GRIK2: variants seen among roughly 807,000 people sequenced by gnomAD.
GRIK2 encodes glutamate receptor ionotropic, kainate 2.
GRIK2 carries 32 observed loss-of-function variants against 100.3 expected under a neutral mutation model. The ratio of observed to expected loss-of-function variants is 0.32; its 90% CI spans 0.24 to 0.43. The LOEUF (loss-of-function observed/expected upper bound fraction) is 0.43, where lower values mean the gene tolerates loss of function less well. GRIK2 is among the 20% of genes least tolerant of loss of function. The pLI, the probability that GRIK2 is intolerant of heterozygous loss-of-function variation, is 1.00. For synonymous variants in GRIK2, 417 were observed against 389.4 expected (o/e 1.07, Z -0.83); for missense variants, 843 against 1,114.9 (o/e 0.76, Z 3.47).
intron 7 of GRIK2, among the ~76,000 whole-genome samples, chr6:101,751,611 C>A (rs995609609): frequency 3.3e-5 from 5 of 152,220 alleles, no homozygotes; most frequent in African/African-American, 1.2e-4. Flanking sequence ...TTTTTTCCCC[C>A]CTACCATTGG....
chr6:101,478,199 GT>G (rs1424151552), intron 2 of GRIK2, among the ~76,000 whole-genome samples: 9 of 151,922 alleles, frequency 5.9e-5, no homozygotes, highest in African/African-American at 2.2e-4. Flanking sequence ...GCATGATTAG[GT>G]TTTTTTGAGT....
chr6:101,560,926 T>C (rs1776980068), intron 2 of GRIK2, among the ~76,000 whole-genome samples: 1 of 152,108 alleles, frequency 6.6e-6, no homozygotes, highest in African/African-American at 2.4e-5. Flanking sequence ...GGAAAATAAA[T>C]GTAAAAGGCT....
intron 14 of GRIK2, among the ~76,000 whole-genome samples, chr6:101,997,272 A>G (rs1408626696): frequency 6.6e-6 from 1 of 151,982 alleles, no homozygotes; most frequent in Non-Finnish European, 1.5e-5. Context: ...AGTTTTAAAA[A>G]TTTTAATTAT....
At chr6:101,518,192 A>C (rs1391433027) in intron 2 of GRIK2, among the ~76,000 whole-genome samples, 2 of 152,170 alleles carry the variant, frequency 1.3e-5, no homozygotes, top group Non-Finnish European at 2.9e-5. Context: ...AAGTTAAAAA[A>C]AAGTGCTATG....
intron 11 of GRIK2, among the ~76,000 whole-genome samples, chr6:101,883,909 A>C (rs1786437728): frequency 6.6e-6 from 1 of 152,170 alleles, no homozygotes; most frequent in African/African-American, 2.4e-5. Context: ...ATGTTCTATA[A>C]GTCATTGGAG....
At chr6:101,504,743 A>G (rs1160489051) in intron 2 of GRIK2, among the ~76,000 whole-genome samples, 2 of 152,108 alleles carry the variant, frequency 1.3e-5, no homozygotes, top group Non-Finnish European at 2.9e-5. Flanking sequence ...GAGATAACAT[A>G]TAAAAAAATA....
intron 4 of GRIK2, among the ~76,000 whole-genome samples, chr6:101,656,213 G>T (rs1435165064): frequency 6.6e-6 from 1 of 150,956 alleles, no homozygotes; most frequent in Non-Finnish European, 1.5e-5. Context: ...TGAGGCAGGA[G>T]AATCGCTTGA....
At chr6:101,798,256 GA>G (rs1780450392) in intron 7 of GRIK2, among the ~76,000 whole-genome samples, 1 of 151,950 alleles carries the variant, frequency 6.6e-6, no homozygotes, top group African/African-American at 2.4e-5. Flanking sequence ...CAATTCTGTT[GA>G]TGATTTTTGT....
In GRIK2 at chr6:101,642,496, T is replaced by C. The variant is rs561449243; in HGVS notation, c.541+15859T>C. Among the ~76,000 whole-genome samples, 5 of 151,958 alleles carry C rather than the reference T, an allele frequency of 3.3e-5. No homozygotes were observed. In the East Asian group the frequency reaches 7.7e-4, roughly 23 times the overall value. On this transcript the variant is annotated intron_variant, in intron 4 of 16. Coordinates refer to ENST00000369134, the MANE Select transcript of GRIK2 (RefSeq NM_021956.5). ...AGAAATCGATTATACAGTGTTTGTC[T>C]TTTTGTACTGGTTTATTTCACTTAA...
chr6:101,394,808 A>G (rs940140331), intron 1 of GRIK2, among the ~76,000 whole-genome samples: 10 of 152,190 alleles, frequency 6.6e-5, no homozygotes, highest in African/African-American at 2.4e-4. Flanking sequence ...AGTGGCCTTA[A>G]AAACTTTTGA....
intron 7 of GRIK2, among the ~76,000 whole-genome samples, chr6:101,798,067 A>G (rs1402579612): frequency 6.6e-6 from 1 of 151,108 alleles, no homozygotes; most frequent in East Asian, 1.9e-4. Flanking sequence ...TCTAAAAACA[A>G]AACAATGGAT....
chr6:101,798,863 A>AT (rs1049524931), intron 7 of GRIK2, among the ~76,000 whole-genome samples: 3 of 152,044 alleles, frequency 2.0e-5, no homozygotes, highest in African/African-American at 4.8e-5. Context: ...TAAACATTTT[A>AT]TTTTTTTATC....
At chr6:101,487,071 A>G (rs1438226141) in intron 2 of GRIK2, among the ~76,000 whole-genome samples, 1 of 146,692 alleles carries the variant, frequency 6.8e-6, no homozygotes, top group African/African-American at 2.6e-5. Flanking sequence ...CTCAATTCAT[A>G]CCACACAGAT....
intron 2 of GRIK2, among the ~76,000 whole-genome samples, chr6:101,579,829 A>G (rs1777983329): frequency 6.6e-6 from 1 of 151,226 alleles, no homozygotes; most frequent in African/African-American, 2.4e-5. Context: ...CCAACCTGGC[A>G]ACAGAGCGAG....
At chr6:101,920,107 A>C (rs1789390975) in intron 12 of GRIK2, among the ~76,000 whole-genome samples, 1 of 151,996 alleles carries the variant, frequency 6.6e-6, no homozygotes, top group Non-Finnish European at 1.5e-5. Context: ...GCATTAATTT[A>C]TAGTGAAGAA....
At chr6:101,436,772 T>A (rs2128244858) in intron 2 of GRIK2, among the ~76,000 whole-genome samples, 1 of 151,346 alleles carries the variant, frequency 6.6e-6, no homozygotes, top group South Asian at 2.1e-4. Context: ...AAGTCAATAA[T>A]GATTTAAAGT....
chr6:101,780,915 T>C (rs1205651541), intron 7 of GRIK2, among the ~76,000 whole-genome samples: 2 of 152,276 alleles, frequency 1.3e-5, no homozygotes, highest in Non-Finnish European at 2.9e-5. Flanking sequence ...AAGTGTTATA[T>C]TGCTAGGGGT....
intron 10 of GRIK2, among the ~76,000 whole-genome samples, chr6:101,845,259 C>T (rs544885734): frequency 4.9e-4 from 75 of 152,142 alleles, no homozygotes; most frequent in Non-Finnish European, 6.3e-4. Context: ...GTTCTCCCTG[C>T]ATAGCATCCC....
At chr6:101,579,832 A>T (rs918667437) in intron 2 of GRIK2, among the ~76,000 whole-genome samples, 1 of 150,794 alleles carries the variant, frequency 6.6e-6, no homozygotes, top group African/African-American at 2.4e-5. Flanking sequence ...ACCTGGCAAC[A>T]GAGCGAGACT....
Sources: allele counts gnomAD v4.1 joint callset (sites outside exome capture counted in the v4.1 genomes callset), GRCh38; gene constraint gnomAD v4.1.1; transcripts MANE v1.5; gene names NCBI Gene and HGNC (gene_info 2026-07-23, HGNC 2026-07-21).